CCDC141: variants seen among roughly 807,000 people sequenced by gnomAD.
The protein encoded by CCDC141 is coiled-coil domain-containing protein 141.
A neutral mutation model predicts 181.0 loss-of-function variants in CCDC141; 168 were observed. That is an observed-to-expected ratio of 0.93 (90% CI 0.82 to 1.05). The LOEUF (loss-of-function observed/expected upper bound fraction) is 1.05, where lower values mean the gene tolerates loss of function less well. Ranked by LOEUF, CCDC141 falls within the 50% of genes least tolerant of loss-of-function variation. The pLI is 0.00. For missense variants in CCDC141, 1,902 were observed against 1,788.5 expected (o/e 1.06, Z -1.14); for synonymous variants, 666 against 642.3 (o/e 1.04, Z -0.56).
intron 2 of CCDC141, among the ~76,000 whole-genome samples, chr2:179,008,857 G>C (rs2042184637): frequency 6.6e-6 from 1 of 152,096 alleles, no homozygotes; most frequent in Non-Finnish European, 1.5e-5. Flanking sequence ...TCTGAATACA[G>C]AGCACAATCA....
intron 12 of CCDC141, chr2:178,873,176 C>T (rs1416315083): frequency 6.6e-6 from 1 of 152,096 alleles, no homozygotes; most frequent in Non-Finnish European, 1.5e-5. Flanking sequence ...TTGACAGTAT[C>T]ATAAATACTT....
At chr2:178,894,928 G>A (rs917101048) in intron 8 of CCDC141, among the ~76,000 whole-genome samples, 1 of 152,124 alleles carries the variant, frequency 6.6e-6, no homozygotes, top group African/African-American at 2.4e-5. Context: ...ACAGATAAAT[G>A]CACACATTTG....
At chr2:179,008,910 C>T (rs2042185918) in intron 2 of CCDC141, among the ~76,000 whole-genome samples, 1 of 152,176 alleles carries the variant, frequency 6.6e-6, no homozygotes, top group Non-Finnish European at 1.5e-5. Flanking sequence ...TATTCATCAG[C>T]CATAAGATAA....
chr2:178,903,954 A>T (rs1033673622), intron 8 of CCDC141, among the ~76,000 whole-genome samples: 6 of 152,080 alleles, frequency 3.9e-5, no homozygotes, highest in African/African-American at 1.4e-4. Flanking sequence ...TATGACTCAA[A>T]TCAATGTCCG....
chr2:178,823,573 A>T, the CCDC141 span, among the ~76,000 whole-genome samples: 124 of 152,302 alleles, frequency 8.1e-4, no homozygotes, highest in Non-Finnish European at 1.3e-3. Context: ...GAAATACCAT[A>T]ACTAATGGAT....
At chr2:178,871,322 A>C in intron 14 of CCDC141, 105 bp downstream of exon 14, 1 of 1,336,130 alleles carries the variant, frequency 7.5e-7, no homozygotes, top group Non-Finnish European at 1.0e-6. Flanking sequence ...TTTTGTTTAA[A>C]AAAATAGAAA....
chr2:179,010,609 T>G (rs2042239329), intron 2 of CCDC141, among the ~76,000 whole-genome samples: 1 of 152,082 alleles, frequency 6.6e-6, no homozygotes, highest in South Asian at 2.1e-4. Context: ...CTGAGAGAAT[T>G]CACCATTACC....
intron 2 of CCDC141, among the ~76,000 whole-genome samples, chr2:178,997,702 T>G (rs1245625643): frequency 6.6e-6 from 1 of 152,188 alleles, no homozygotes; most frequent in African/African-American, 2.4e-5. Flanking sequence ...AATGCCATGA[T>G]TCCCAGTTTT....
At position 178,917,663 on chromosome 2, in the gene CCDC141, AG is replaced by A. The variant is rs138952006; in HGVS notation, c.1092+1049del. 4.4e-3 allele frequency among the ~76,000 whole-genome samples: 673 copies of A among 152,380 alleles called. 5 individuals are homozygous for A. Among genetic ancestry groups the A allele is most frequent in the African/African-American group, 0.015 (642 of 41,600 alleles). ...AGGTGTATATTACATTGGAAAAGGT[AG>A]AAAAAATTTTCAAATAAGATCACCA... On this transcript the variant is annotated intron_variant, in intron 7 of 23. Coordinates refer to ENST00000443758, the MANE Select transcript of CCDC141 (RefSeq NM_173648.4).
intron 2 of CCDC141, among the ~76,000 whole-genome samples, chr2:178,989,313 G>T (rs1191723497): frequency 1.3e-5 from 2 of 152,056 alleles, no homozygotes; most frequent in Admixed American, 1.3e-4. Flanking sequence ...ATAGAAAGGG[G>T]CTGGGCGCAG....
chr2:178,840,672 T>C (rs900799651), intron 22 of CCDC141, among the ~76,000 whole-genome samples: 3 of 152,190 alleles, frequency 2.0e-5, no homozygotes, highest in Non-Finnish European at 2.9e-5. Context: ...TGGGTACATA[T>C]TTAATCTATT....
intron 6 of CCDC141, among the ~76,000 whole-genome samples, chr2:178,941,470 A>T (rs1164085668): frequency 6.6e-6 from 1 of 152,208 alleles, no homozygotes; most frequent in Non-Finnish European, 1.5e-5. Context: ...GTGAGCATTC[A>T]TCTTCATTTG....
In CCDC141 at chr2:178,888,558, AGTT is replaced by A; in HGVS notation, c.1373_1375del (p.Gln458del). 3.9e-6 allele frequency: 6 copies of A among 1,550,394 alleles called. No homozygotes were observed. The highest frequency in any genetic ancestry group is 1.2e-5 in the South Asian group (1 of 84,058). ...TAGGTAACCCTCCACTGAGGCTGTT[AGTT>A]GTTGTTTCTTAAGAGCATATTCCTT... is the stretch of plus-strand genomic sequence containing the variant. On this transcript the variant is annotated inframe_deletion, in exon 9 of 24. Transcript: ENST00000443758.
In CCDC141 at chr2:178,832,300, A is replaced by G. The variant is rs1684278241; in HGVS notation, c.*1873T>C. On this transcript the variant is annotated 3_prime_UTR_variant, in exon 24 of 24. Coordinates refer to ENST00000443758, the MANE Select transcript of CCDC141 (RefSeq NM_173648.4). ...GAGGCTGAGGCCCAGCCTGGCCAAC[A>G]TGGTGAAACCTGGTTTCTACTAAAA... is the stretch of plus-strand genomic sequence containing the variant. 1 of 151,998 alleles carries G rather than the reference A, an allele frequency of 6.6e-6. No individual in the cohort carries two copies. The highest frequency in any genetic ancestry group is 1.9e-4 in the East Asian group (1 of 5,184). 9.4% of individuals were successfully genotyped at this position (151,998 alleles called of 1,614,324 possible). A position where few individuals can be genotyped will look rare whatever the true frequency, so the allele number is the denominator to read the frequency against.
intron 2 of CCDC141, among the ~76,000 whole-genome samples, chr2:179,020,459 T>G (rs1325268302): frequency 6.6e-6 from 1 of 152,176 alleles, no homozygotes; most frequent in Non-Finnish European, 1.5e-5. Context: ...GGCTGTGATA[T>G]GATAGCACTT....
chr2:178,935,883 A>T (rs1463653707), intron 6 of CCDC141, among the ~76,000 whole-genome samples: 2 of 151,956 alleles, frequency 1.3e-5, no homozygotes, highest in Admixed American at 6.6e-5. Flanking sequence ...TGTGGGCTAC[A>T]TGTATGTCTT....
At chr2:178,848,909 A>G (rs1685049045) in intron 21 of CCDC141, among the ~76,000 whole-genome samples, 1 of 152,206 alleles carries the variant, frequency 6.6e-6, no homozygotes, top group Non-Finnish European at 1.5e-5. Flanking sequence ...TATATTAAAA[A>G]TTTCAGTTTT....
In CCDC141 at chr2:178,869,417, C is replaced by T. The variant is rs80271311; in HGVS notation, c.2206-112G>A. 34,179 of 751,326 alleles carry T rather than the reference C, an allele frequency of 0.045. 995 individuals are homozygous for T. The highest frequency in any genetic ancestry group is 0.056 in the Non-Finnish European group (28,040 of 499,444). 46.5% of individuals were successfully genotyped at this position (751,326 alleles called of 1,614,324 possible). A position where few individuals can be genotyped will look rare whatever the true frequency, so the allele number is the denominator to read the frequency against. Reference sequence around the variant, plus strand: ...TCACTCTTTCATTTGTTAACAAATACTTATTATGAATGCCCCCACCCTCCA... The same window carrying T: ...TCACTCTTTCATTTGTTAACAAATATTTATTATGAATGCCCCCACCCTCCA... On this transcript the variant is annotated intron_variant, in intron 14 of 23. Transcript: ENST00000443758.
At chr2:178,858,378 C>T (rs148006716) in intron 17 of CCDC141, among the ~76,000 whole-genome samples, 7 of 152,066 alleles carry the variant, frequency 4.6e-5, no homozygotes, top group East Asian at 1.9e-4. Flanking sequence ...GATATAAAGG[C>T]GTTATATCCT....
Sources: allele counts gnomAD v4.1 joint callset (sites outside exome capture counted in the v4.1 genomes callset), GRCh38; gene constraint gnomAD v4.1.1; transcripts MANE v1.5; gene names NCBI Gene and HGNC (gene_info 2026-07-23, HGNC 2026-07-21).